Variants in EYS observed in about 807,000 individuals in gnomAD.
EYS encodes the protein protein eyes shut homolog.
A neutral mutation model predicts 282.1 loss-of-function variants in EYS; 250 were observed. That is an observed-to-expected ratio of 0.89 (90% CI 0.80 to 0.98). The LOEUF is 0.98. Among genes scored for constraint, EYS ranks in the 50% least tolerant of loss-of-function variants. The probability of loss-of-function intolerance (pLI) is 0.00; values close to 1 mark genes in which losing one functional copy is unlikely to be tolerated. For missense variants in EYS, 4,016 were observed against 3,709.0 expected, an observed-to-expected ratio of 1.08 and a Z score of -2.15; for synonymous variants, 1,355 against 1,282.9, an observed-to-expected ratio of 1.06 and a Z score of -1.20.
At chr6:64,202,729 C>T (rs1289983916) in intron 31 of EYS, among the ~76,000 whole-genome samples, 1 of 152,062 alleles carries the variant, frequency 6.6e-6, no homozygotes, top group Non-Finnish European at 1.5e-5. Context: ...AGAGTAGGCC[C>T]TAAGTCCAAT....
rs369040025 is a variant in EYS at position 64,275,741 on chromosome 6, G to T, written c.6191+31229C>A. 6.5e-3 allele frequency among the ~76,000 whole-genome samples: 988 copies of T among 151,294 alleles called. 9 individuals are homozygous for T. The highest frequency in any genetic ancestry group is 0.023 in the African/African-American group (938 of 41,294). ...GGAGGCCGAGGCGGGCGGATCACGA[G>T]GTCAGAGATTGAGACCATCCTGACT... On this transcript the variant is annotated intron_variant, in intron 30 of 42. Transcript: ENST00000503581.
chr6:63,877,730 C>T lies in EYS; in HGVS notation c.7056-13372G>A, dbSNP rs1021455230. Reference sequence around the variant, plus strand: ...TCATTTCATTCATTTGATCTTCAGTCGCTGTTACCCTTTCTTCCACTTGAT... The same window carrying T: ...TCATTTCATTCATTTGATCTTCAGTTGCTGTTACCCTTTCTTCCACTTGAT... On this transcript the variant is annotated intron_variant, in intron 35 of 42. Transcript: ENST00000503581. Among the ~76,000 whole-genome samples, 8 of 152,224 alleles carry T rather than the reference C, an allele frequency of 5.3e-5. 1 individual carries two copies. In the South Asian group the frequency reaches 6.2e-4, roughly 12 times the overall value.
intron 22 of EYS, among the ~76,000 whole-genome samples, chr6:64,768,809 G>T (rs575677598): frequency 6.6e-6 from 1 of 152,182 alleles, no homozygotes; most frequent in South Asian, 2.1e-4. Flanking sequence ...TCACAAAAAG[G>T]GCAGGCTGTT....
chr6:64,596,399 T>C lies in EYS; in HGVS notation c.3685-3090A>G, dbSNP rs922666188. Reference sequence around the variant, plus strand: ...ATATGGAATCACAAAAGATTCTGAATAGCCAAAGCAATCCTAAGTAAAAAG... The same window carrying C: ...ATATGGAATCACAAAAGATTCTGAACAGCCAAAGCAATCCTAAGTAAAAAG... On this transcript the variant is annotated intron_variant, in intron 24 of 42. Transcript: ENST00000503581. 7.9e-5 allele frequency among the ~76,000 whole-genome samples: 12 copies of C among 152,186 alleles called. No homozygotes were observed. The South Asian group carries it at 1.4e-3, about 18-fold the overall frequency.
At chr6:64,758,901 G>C (rs1032931916) in intron 22 of EYS, among the ~76,000 whole-genome samples, 1 of 152,174 alleles carries the variant, frequency 6.6e-6, no homozygotes, top group African/African-American at 2.4e-5. Flanking sequence ...CACTTTGGAA[G>C]GCCGAGGTCG....
At chr6:64,333,321 T>C (rs914931107) in intron 29 of EYS, among the ~76,000 whole-genome samples, 7 of 152,160 alleles carry the variant, frequency 4.6e-5, no homozygotes, top group Non-Finnish European at 1.0e-4. Flanking sequence ...CCTATCTCCA[T>C]ATATTTTGAT....
intron 41 of EYS, among the ~76,000 whole-genome samples, chr6:63,751,276 G>T (rs548049821): frequency 6.6e-6 from 1 of 151,914 alleles, no homozygotes; most frequent in South Asian, 2.1e-4. Context: ...CAAATTGCAG[G>T]ATTCTTAATT....
At chr6:63,800,979 A>G (rs1001711799) in intron 37 of EYS, among the ~76,000 whole-genome samples, 3 of 152,216 alleles carry the variant, frequency 2.0e-5, no homozygotes, top group Non-Finnish European at 4.4e-5. Context: ...GGATGTACAC[A>G]TGTGCTAATA....
intron 35 of EYS, among the ~76,000 whole-genome samples, chr6:63,972,475 C>G (rs1043186919): frequency 2.6e-5 from 4 of 152,090 alleles, no homozygotes; most frequent in African/African-American, 9.7e-5. Flanking sequence ...TATATGTAGC[C>G]TAGTCCTTAT....
chr6:64,628,020 C>T (rs1767665215), intron 22 of EYS, among the ~76,000 whole-genome samples: 1 of 152,210 alleles, frequency 6.6e-6, no homozygotes, highest in Admixed American at 6.5e-5. Context: ...GCGGAGCTTG[C>T]AGTGAGCCCA....
chr6:64,561,994 T>C (rs1366323487), intron 26 of EYS, among the ~76,000 whole-genome samples: 2 of 151,214 alleles, frequency 1.3e-5, no homozygotes, highest in Non-Finnish European at 3.0e-5. Context: ...TACCTGACTT[T>C]ATACTACAAG....
chr6:64,681,109 A>T (rs553928669), intron 22 of EYS, among the ~76,000 whole-genome samples: 4 of 152,186 alleles, frequency 2.6e-5, no homozygotes, highest in East Asian at 1.9e-4. Context: ...CTAGCCTCAC[A>T]AATGACTACT....
chr6:64,991,385 T>C (rs899679858), intron 14 of EYS, among the ~76,000 whole-genome samples: 10 of 151,574 alleles, frequency 6.6e-5, no homozygotes, highest in African/African-American at 2.4e-4. Flanking sequence ...AGCTAATACA[T>C]CAAGGTTTAG....
intron 12 of EYS, among the ~76,000 whole-genome samples, chr6:65,254,828 C>T (rs1457089368): frequency 6.6e-6 from 1 of 151,836 alleles, no homozygotes; most frequent in Admixed American, 6.6e-5. Context: ...CACATTTTTA[C>T]AGCATAAAGT....
chr6:65,267,951 C>G (rs772380329), intron 12 of EYS, among the ~76,000 whole-genome samples: 1 of 151,588 alleles, frequency 6.6e-6, no homozygotes, highest in South Asian at 2.1e-4. Flanking sequence ...TCTCTCCCCT[C>G]TAAACACACA....
At chr6:63,895,242 T>C (rs1320563267) in intron 35 of EYS, among the ~76,000 whole-genome samples, 1 of 28,930 alleles carries the variant, frequency 3.5e-5, no homozygotes, top group Non-Finnish European at 1.5e-4. Flanking sequence ...ATCTCAATGA[T>C]TTCATTTTTT....
Position 65,649,701 on chromosome 6 carries a change from G to GT in EYS, c.-447-9810dup, listed in dbSNP as rs557736588. ...TCTCTAGATCAGAACTATTTAGATT[G>GT]TTTTTTTACAAATTCAGTATGAAGG... On this transcript the variant is annotated intron_variant, in intron 1 of 42. Transcript: ENST00000503581. 3.3e-5 allele frequency among the ~76,000 whole-genome samples: 5 copies of GT among 151,970 alleles called. No homozygotes were observed. The South Asian group carries it at 8.3e-4, about 25-fold the overall frequency.
chr6:64,711,134 T>G (rs1771198860), intron 22 of EYS, among the ~76,000 whole-genome samples: 1 of 152,200 alleles, frequency 6.6e-6, no homozygotes, highest in African/African-American at 2.4e-5. Flanking sequence ...TCATTACTAA[T>G]AATTAAAAAG....
intron 1 of EYS, among the ~76,000 whole-genome samples, chr6:65,681,898 C>T (rs1768836884): frequency 6.6e-6 from 1 of 151,906 alleles, no homozygotes; most frequent in Non-Finnish European, 1.5e-5. Flanking sequence ...AAATATAGTG[C>T]CTCTACCTGT....
Sources: allele counts gnomAD v4.1 joint callset (sites outside exome capture counted in the v4.1 genomes callset), GRCh38; gene constraint gnomAD v4.1.1; transcripts MANE v1.5; gene names NCBI Gene and HGNC (gene_info 2026-07-23, HGNC 2026-07-21).